The following LPP variants were observed in gnomAD, a reference collection of about 807,000 sequenced individuals.
The protein encoded by LPP is LIM domain containing preferred translocation partner in lipoma, also known as lipoma-preferred partner.
In LPP, 38 loss-of-function variants were observed where a neutral mutation model predicts 60.4. That is an observed-to-expected ratio of 0.63 (90% CI 0.49 to 0.83). LPP has a LOEUF of 0.83. LPP is among the 40% of genes least tolerant of loss of function. The probability of loss-of-function intolerance (pLI) is 0.00; values close to 1 mark genes in which losing one functional copy is unlikely to be tolerated. For missense variants in LPP, 902 were observed against 783.6 expected (o/e 1.15, Z -1.80); for synonymous variants, 328 against 290.8 (o/e 1.13, Z -1.30).
intron 9 of LPP, among the ~76,000 whole-genome samples, chr3:188,806,094 G>C (rs575194497): frequency 5.3e-5 from 8 of 151,824 alleles, no homozygotes; most frequent in African/African-American, 1.9e-4. Flanking sequence ...AGGTTAATTT[G>C]GCTAACAGTA....
At chr3:188,427,436 C>G (rs1468882979) in intron 4 of LPP, among the ~76,000 whole-genome samples, 1 of 152,166 alleles carries the variant, frequency 6.6e-6, no homozygotes, top group South Asian at 2.1e-4. Flanking sequence ...TTCTCTCTGG[C>G]TGCCCTTAAC....
chr3:188,485,879 G>C (rs1307621030), intron 5 of LPP, among the ~76,000 whole-genome samples: 1 of 151,430 alleles, frequency 6.6e-6, no homozygotes, highest in Admixed American at 6.6e-5. Context: ...TGAGAACATG[G>C]GTGAAATAGG....
chr3:188,474,271 T>A (rs1802572190), intron 4 of LPP, among the ~76,000 whole-genome samples: 1 of 151,774 alleles, frequency 6.6e-6, no homozygotes, highest in Admixed American at 6.6e-5. Flanking sequence ...CTCAAGGAGC[T>A]GTTAATCAGG....
chr3:188,740,067 G>A (rs1723884207), intron 8 of LPP, among the ~76,000 whole-genome samples: 1 of 152,048 alleles, frequency 6.6e-6, no homozygotes, highest in African/African-American at 2.4e-5. Context: ...TGTTATCCAT[G>A]TGTATGGAAG....
chr3:188,286,649 C>G (rs1028953174), intron 2 of LPP, among the ~76,000 whole-genome samples: 1 of 152,012 alleles, frequency 6.6e-6, no homozygotes, highest in Admixed American at 6.6e-5. Flanking sequence ...GTGTTCCCTC[C>G]CCAAATAAAT....
rs1359046296 is a variant in LPP at position 188,886,692 on chromosome 3, G to A, written c.*12213G>A. The A allele has an allele frequency of 2.8e-5, 6 of 217,384 alleles. No homozygotes were observed. The East Asian group carries it at 3.3e-4, about 12-fold the overall frequency. The allele number at this position is 217,384 out of a possible 1,614,324, so 13.5% of individuals were successfully genotyped here. A position where few individuals can be genotyped will look rare whatever the true frequency, so the allele number is the denominator to read the frequency against. Reference sequence around the variant, plus strand: ...TACATAATATGTTCTCCCATATTTAGGGATCATACAATTGTATTGTCTTCA... The same window carrying A: ...TACATAATATGTTCTCCCATATTTAAGGATCATACAATTGTATTGTCTTCA... On this transcript the variant is annotated 3_prime_UTR_variant, in exon 12 of 12. Transcript: ENST00000617246.
intron 8 of LPP, among the ~76,000 whole-genome samples, chr3:188,749,438 T>C (rs1183089665): frequency 6.6e-6 from 1 of 152,244 alleles, no homozygotes; most frequent in African/African-American, 2.4e-5. Flanking sequence ...CTATGACCCT[T>C]GAAATCCTCT....
intron 6 of LPP, among the ~76,000 whole-genome samples, chr3:188,581,485 G>T (rs950961906): frequency 1.3e-5 from 2 of 152,072 alleles, no homozygotes; most frequent in Admixed American, 1.3e-4. Flanking sequence ...TTGAAGGTTA[G>T]AGACATTCGA....
rs145079983 is a variant in LPP, at chr3:188,589,193, G to A, written c.430-19968G>A. 1.2e-4 allele frequency among the ~76,000 whole-genome samples: 18 copies of A among 151,918 alleles called. No individual in the cohort carries two copies. In the East Asian group the frequency reaches 3.1e-3, roughly 26 times the overall value. ...ATATACTTTTGAGTGTACATGATGTGGTTCCTTATTTTTGCATTAAGCCTA... is the reference window on the plus strand; with the variant it reads ...ATATACTTTTGAGTGTACATGATGTAGTTCCTTATTTTTGCATTAAGCCTA... On this transcript the variant is annotated intron_variant, in intron 6 of 11. Transcript: ENST00000617246.
Position 188,888,530 on chromosome 3 carries a change from ATCT to A in LPP, c.*14055_*14057del. 4.4e-6 allele frequency: 1 copy of A among 228,098 alleles called. No homozygotes were observed. Among genetic ancestry groups the A allele is most frequent in the Non-Finnish European group, 8.7e-6 (1 of 114,394 alleles). The allele number at this position is 228,098 out of a possible 1,614,324, so 14.1% of individuals were successfully genotyped here. A position where few individuals can be genotyped will look rare whatever the true frequency, so the allele number is the denominator to read the frequency against. On this transcript the variant is annotated 3_prime_UTR_variant, in exon 12 of 12. Coordinates refer to ENST00000617246, the MANE Select transcript of LPP (RefSeq NM_001375462.1). ...TTTGCGAGACTGACTCAAATCTGTG[ATCT>A]TCTGTTCAGCATACACATCAGCAAA... is the stretch of plus-strand genomic sequence containing the variant.
In LPP at chr3:188,885,196, G is replaced by A. The variant is rs142608596; in HGVS notation, c.*10717G>A. On this transcript the variant is annotated 3_prime_UTR_variant, in exon 12 of 12. Coordinates refer to ENST00000617246, the MANE Select transcript of LPP (RefSeq NM_001375462.1). ...CTATATCCTAAAATATGTGAAGTGA[G>A]AGAAAAAATATCATTTCTTCTCATT... is the stretch of plus-strand genomic sequence containing the variant. 631 of 203,464 alleles carry A rather than the reference G, an allele frequency of 3.1e-3. 7 individuals are homozygous for A. Among genetic ancestry groups the A allele is most frequent in the African/African-American group, 0.014 (591 of 43,714 alleles). 12.6% of individuals were successfully genotyped at this position (203,464 alleles called of 1,614,324 possible).
At chr3:188,193,921 A>T (rs1282104089) in intron 1 of LPP, among the ~76,000 whole-genome samples, 1 of 152,234 alleles carries the variant, frequency 6.6e-6, no homozygotes, top group Admixed American at 6.5e-5. Context: ...TGGGGGTCAC[A>T]TAAAGGGAAC....
intron 2 of LPP, among the ~76,000 whole-genome samples, chr3:188,272,337 A>G (rs375744362): frequency 1.3e-5 from 2 of 152,226 alleles, no homozygotes; most frequent in East Asian, 1.9e-4. Context: ...ATCAACTTGT[A>G]AAAAGACCGT....
chr3:188,796,135 C>T (rs1222948447), intron 9 of LPP, among the ~76,000 whole-genome samples: 15 of 152,060 alleles, frequency 9.9e-5, no homozygotes, highest in Non-Finnish European at 4.4e-5. Context: ...GGAGTATTGT[C>T]CTAAGATAAT....
At chr3:188,620,540 ATTATAT>A (rs1560654740) in intron 7 of LPP, among the ~76,000 whole-genome samples, 1 of 152,130 alleles carries the variant, frequency 6.6e-6, no homozygotes, top group African/African-American at 2.4e-5. Flanking sequence ...AATACATCAC[ATTATAT>A]TTATATTTTC....
chr3:188,250,824 TTTTC>T (rs200892848), intron 2 of LPP, among the ~76,000 whole-genome samples: 2,460 of 141,266 alleles, frequency 0.017, 52 homozygotes, highest in South Asian at 0.022. Context: ...CTTTCTTTCT[TTTTC>T]TTTCTTTCTT....
intron 8 of LPP, among the ~76,000 whole-genome samples, chr3:188,747,571 A>T (rs991858894): frequency 6.6e-6 from 1 of 152,200 alleles, no homozygotes; most frequent in Admixed American, 6.5e-5. Context: ...TTTTATCCCA[A>T]ACATTCTGGT....
At chr3:188,364,808 A>G (rs1389707830) in intron 3 of LPP, among the ~76,000 whole-genome samples, 6 of 152,186 alleles carry the variant, frequency 3.9e-5, no homozygotes, top group Non-Finnish European at 5.9e-5. Context: ...CTGTTATTGT[A>G]GGTGGGACCT....
chr3:188,378,522 A>T (rs1775909509), intron 3 of LPP, among the ~76,000 whole-genome samples: 1 of 151,998 alleles, frequency 6.6e-6, no homozygotes, highest in African/African-American at 2.4e-5. Context: ...CAGGTGGGGG[A>T]TATAATCTCC....
Sources: gnomAD v4.1 joint callset for allele counts (sites outside exome capture counted in the v4.1 genomes callset) on GRCh38, gnomAD v4.1.1 for gene constraint, MANE v1.5 for transcripts, NCBI Gene and HGNC (gene_info 2026-07-23, HGNC 2026-07-21) for gene names.